The following SHQ1 variants were observed in gnomAD, a reference collection of about 807,000 sequenced individuals.
The protein encoded by SHQ1 is protein SHQ1 homolog.
In SHQ1, 49 loss-of-function variants were observed where a neutral mutation model predicts 53.8. That is an observed-to-expected ratio of 0.91 (90% confidence interval 0.72 to 1.16). The LOEUF is 1.16. Among genes scored for constraint, SHQ1 ranks in the 50% most tolerant of loss-of-function variants. SHQ1 has a pLI of 0.00. For missense variants in SHQ1, 738 were observed against 683.1 expected, an observed-to-expected ratio of 1.08 and a Z score of -0.90; for synonymous variants, 243 against 251.0, an observed-to-expected ratio of 0.97 and a Z score of 0.30.
At position 72,749,606 on chromosome 3, in the gene SHQ1, G is replaced by A. The variant is rs565333392; in HGVS notation, c.*678C>T. 1.0e-4 allele frequency: 22 copies of A among 219,618 alleles called. No homozygotes were observed. The highest frequency in any genetic ancestry group is 4.0e-4 in the African/African-American group (18 of 44,650). The allele number at this position is 219,618 out of a possible 1,614,324, so 13.6% of individuals were successfully genotyped here. ...ACTTCAGTTGTGGTGATAGTTTTAC[G>A]CAGGGTATACATACGCCAACACATT... On this transcript the variant is annotated 3_prime_UTR_variant, in exon 11 of 11. Coordinates refer to ENST00000325599, the MANE Select transcript of SHQ1 (RefSeq NM_018130.3).
At chr3:72,767,902 C>T (rs1439224737) in intron 10 of SHQ1, among the ~76,000 whole-genome samples, 1 of 152,162 alleles carries the variant, frequency 6.6e-6, no homozygotes, top group Non-Finnish European at 1.5e-5. Flanking sequence ...TGGTTTGATT[C>T]AAACGATGCT....
chr3:72,820,023 T>G (rs1239941875), intron 6 of SHQ1, among the ~76,000 whole-genome samples: 2 of 152,218 alleles, frequency 1.3e-5, no homozygotes, highest in Admixed American at 1.3e-4. Context: ...CAGGTGTTCA[T>G]GATCTCTGAC....
At chr3:72,737,101 C>A in the SHQ1 span, among the ~76,000 whole-genome samples, 1 of 151,868 alleles carries the variant, frequency 6.6e-6, no homozygotes, top group African/African-American at 2.4e-5. Flanking sequence ...GAAACCCCAT[C>A]TCTACTAAAA....
intron 10 of SHQ1, among the ~76,000 whole-genome samples, chr3:72,769,386 A>G (rs1490176009): frequency 2.0e-5 from 3 of 152,234 alleles, no homozygotes; most frequent in African/African-American, 7.2e-5. Context: ...ACTAGCTTGC[A>G]ACTTCTACGT....
At chr3:72,800,762 T>G (rs1706762477) in intron 9 of SHQ1, among the ~76,000 whole-genome samples, 1 of 152,218 alleles carries the variant, frequency 6.6e-6, no homozygotes, top group African/African-American at 2.4e-5. Context: ...TCTACAGATT[T>G]AAAGTTATTT....
intron 10 of SHQ1, among the ~76,000 whole-genome samples, chr3:72,751,980 T>G (rs563005912): frequency 6.6e-6 from 1 of 152,280 alleles, no homozygotes; most frequent in African/African-American, 2.4e-5. Flanking sequence ...ATTAAACACA[T>G]GTAGTAAACC....
intron 1 of SHQ1, among the ~76,000 whole-genome samples, chr3:72,846,556 C>G (rs1708334018): frequency 6.6e-6 from 1 of 152,092 alleles, no homozygotes; most frequent in South Asian, 2.1e-4. Flanking sequence ...CCTCGGCATC[C>G]CAAAGTGCTG....
chr3:72,727,739 T>C, the SHQ1 span, among the ~76,000 whole-genome samples: 7 of 152,158 alleles, frequency 4.6e-5, no homozygotes, highest in Admixed American at 1.3e-4. Context: ...CTCTTGAGCC[T>C]GTTGAATCCA....
chr3:72,785,937 G>C (rs1247828722), intron 10 of SHQ1, among the ~76,000 whole-genome samples: 1 of 152,066 alleles, frequency 6.6e-6, no homozygotes, highest in Non-Finnish European at 1.5e-5. Flanking sequence ...ATATTCCTTA[G>C]AGGCATTAAA....
chr3:72,779,510 T>G (rs141438774), intron 10 of SHQ1, among the ~76,000 whole-genome samples: 5 of 152,298 alleles, frequency 3.3e-5, no homozygotes, highest in Non-Finnish European at 5.9e-5. Context: ...AAGTATTTGA[T>G]TAATACTTCT....
chr3:72,792,954 G>C lies in SHQ1; in HGVS notation c.1143C>G (p.Leu381=). Residue 381 remains leucine, a synonymous_variant, in exon 10 of 11, where the codon CTC becomes CTG. Coordinates refer to ENST00000325599, the MANE Select transcript of SHQ1 (RefSeq NM_018130.3). ...TCCACACACAGTAGTCTGAGATGTA[G>C]AGATCATTCAGTATGTACGCTGGGT... is the stretch of plus-strand genomic sequence containing the variant. ...ENDPAYILND[L]YISDYCVWIQ... 1 of 1,611,848 alleles carries C rather than the reference G, an allele frequency of 6.2e-7. No individual in the cohort carries two copies. Among genetic ancestry groups the C allele is most frequent in the Non-Finnish European group, 8.5e-7 (1 of 1,179,708 alleles).
At chr3:72,807,546 T>C (rs890319351) in intron 9 of SHQ1, among the ~76,000 whole-genome samples, 3 of 152,272 alleles carry the variant, frequency 2.0e-5, no homozygotes, top group African/African-American at 7.2e-5. Flanking sequence ...TTTCATCTTT[T>C]AGTTTTCGAG....
rs1231773250 is a variant in SHQ1 at position 72,750,312 on chromosome 3, C to G, written c.1706G>C (p.Arg569Thr). Residue 569 changes from arginine (R) to threonine (T), a missense_variant, in exon 11 of 11, where the codon AGA becomes ACA. By Grantham distance (71) the Arg-to-Thr change is moderately conservative. Coordinates refer to ENST00000325599, the MANE Select transcript of SHQ1 (RefSeq NM_018130.3). ...ATTATTTGGTGTCTGACAGCCGTCTCTCTCCTGAATATTGCTGCGGTTTAC... is the reference window on the plus strand; with the variant it reads ...ATTATTTGGTGTCTGACAGCCGTCTGTCTCCTGAATATTGCTGCGGTTTAC... ...TAVNRSNIQE[R>T]DGCQTPNN 1 of 1,611,976 alleles carries G rather than the reference C, an allele frequency of 6.2e-7. No individual in the cohort carries two copies.
chr3:72,796,059 C>T (rs114222269), intron 9 of SHQ1, among the ~76,000 whole-genome samples: 2 of 141,756 alleles, frequency 1.4e-5, no homozygotes, highest in Admixed American at 1.5e-4. Context: ...GCCAAGATTG[C>T]GCCACTCACT....
chr3:72,751,473 C>CGT, intron 10 of SHQ1, among the ~76,000 whole-genome samples: 1 of 114,100 alleles, frequency 8.8e-6, no homozygotes, highest in South Asian at 2.5e-4. Context: ...ATAATAAGCA[C>CGT]ATATGTGTGT....
intron 7 of SHQ1, among the ~76,000 whole-genome samples, chr3:72,816,597 G>A (rs1559686482): frequency 6.6e-6 from 1 of 151,672 alleles, no homozygotes; most frequent in African/African-American, 2.4e-5. Context: ...AATCAAATAT[G>A]GTTTAAGAAG....
chr3:72,762,945 G>GATTATAGGC (rs77270411), intron 10 of SHQ1, among the ~76,000 whole-genome samples: 35,996 of 151,376 alleles, frequency 0.24, 4,530 homozygotes, highest in African/African-American at 0.27. Flanking sequence ...AAAGTGCTGG[G>GATTATAGGC]ATGAGCCACC....
chr3:72,798,258 A>G (rs898703142), intron 9 of SHQ1, among the ~76,000 whole-genome samples: 18 of 152,306 alleles, frequency 1.2e-4, no homozygotes, highest in Admixed American at 5.9e-4. Flanking sequence ...TGGCACTAAC[A>G]GCTCTCTCCA....
At chr3:72,760,989 C>T (rs998597767) in intron 10 of SHQ1, among the ~76,000 whole-genome samples, 1 of 152,062 alleles carries the variant, frequency 6.6e-6, no homozygotes, top group Non-Finnish European at 1.5e-5. Context: ...TCGATAAAAG[C>T]TCTCAAGACG....
Sources: allele counts gnomAD v4.1 joint callset (sites outside exome capture counted in the v4.1 genomes callset), GRCh38; gene constraint gnomAD v4.1.1; transcripts MANE v1.5; gene names NCBI Gene and HGNC (gene_info 2026-07-23, HGNC 2026-07-21).